The following DNAI4 variants were observed in gnomAD, a reference collection of about 807,000 sequenced individuals.
The protein encoded by DNAI4 is WD repeat domain 78.
DNAI4 carries 85 observed loss-of-function variants against 105.8 expected under a neutral mutation model. The observed-to-expected ratio is 0.80, with a 90% CI of 0.67 to 0.96. DNAI4 has a LOEUF of 0.96. Among genes scored for constraint, DNAI4 ranks in the 40% least tolerant of loss-of-function variants. DNAI4 has a pLI of 0.00. For missense variants in DNAI4, 1,014 were observed against 1,005.6 expected (o/e 1.01, Z -0.11); for synonymous variants, 352 against 331.5 (o/e 1.06, Z -0.67).
intron 1 of DNAI4, among the ~76,000 whole-genome samples, chr1:66,919,289 C>CT (rs1368419164): frequency 1.3e-5 from 2 of 152,214 alleles, no homozygotes; most frequent in Non-Finnish European, 1.5e-5. Flanking sequence ...TAATTGACTA[C>CT]TAGATAGCTC....
Position 66,837,626 on chromosome 1 carries a change from TTTAA to T in DNAI4, c.1581+80_1581+83del, listed in dbSNP as rs752129494. 4.9e-5 allele frequency: 68 copies of T among 1,374,206 alleles called. No homozygotes were observed. The East Asian group carries it at 1.5e-3, about 30-fold the overall frequency. 85.1% of individuals were successfully genotyped at this position (1,374,206 alleles called of 1,614,324 possible). A position where few individuals can be genotyped will look rare whatever the true frequency, so the allele number is the denominator to read the frequency against. On this transcript the variant is annotated intron_variant, in intron 10 of 16. Coordinates refer to ENST00000371026, the MANE Select transcript of DNAI4 (RefSeq NM_024763.5). The stretch of plus-strand genomic sequence containing the variant: ...GATTGATAAAATTTTCTAGACTTTA[TTTAA>T]TTATTACATGTAATTATATATTTTA...
chr1:66,814,502 G>A (rs1645473998), intron 16 of DNAI4, among the ~76,000 whole-genome samples: 1 of 152,036 alleles, frequency 6.6e-6, no homozygotes, highest in South Asian at 2.1e-4. Flanking sequence ...CTGAGTGGCT[G>A]GGACTACAGG....
intron 7 of DNAI4, among the ~76,000 whole-genome samples, chr1:66,851,827 G>T (rs186243054): frequency 1.3e-5 from 2 of 151,652 alleles, no homozygotes; most frequent in African/African-American, 4.8e-5. Flanking sequence ...CATTAGAAAA[G>T]AAGGAAAGTC....
rs1250313066 is a variant in DNAI4 at position 66,835,719 on chromosome 1, C to T, written c.1640G>A (p.Gly547Glu). 1 of 1,613,856 alleles carries T rather than the reference C, an allele frequency of 6.2e-7. No homozygotes were observed. The highest frequency in any genetic ancestry group is 1.3e-5 in the African/African-American group (1 of 74,884). ...GCCAACGGCTAAAAGGTTAGGTGCT[C>T]CAATTGAAAAATCCACAGCAGTAAC... ...YGVTAVDFSI[G>E]APNLLAVGYH... is the part of the protein sequence containing the mutation. Residue 547 changes from glycine (G) to glutamate (E), a missense_variant, in exon 11 of 17, where the codon GGA becomes GAA. Physicochemically the swap from Gly to Glu is moderately conservative, Grantham distance 98. Transcript: ENST00000371026.
At chr1:66,881,365 G>T (rs1235369159) in intron 4 of DNAI4, among the ~76,000 whole-genome samples, 1 of 152,278 alleles carries the variant, frequency 6.6e-6, no homozygotes, top group African/African-American at 2.4e-5. Context: ...CATGAAAGCA[G>T]CCAGGAGGGA....
chr1:66,826,021 G>A (rs552000286), intron 15 of DNAI4, among the ~76,000 whole-genome samples: 1 of 152,222 alleles, frequency 6.6e-6, no homozygotes, highest in East Asian at 1.9e-4. Context: ...AATTAATTTA[G>A]ACAATCCTCT....
chr1:66,924,629 GGAT>G, intron 1 of DNAI4, 30 bp downstream of exon 1: 1 of 1,614,212 alleles, frequency 6.2e-7, no homozygotes, highest in East Asian at 2.2e-5. Flanking sequence ...GGTCCCAGGG[GGAT>G]GGACTACGGT....
intron 6 of DNAI4, among the ~76,000 whole-genome samples, chr1:66,864,634 G>A (rs1173906806): frequency 2.0e-5 from 3 of 151,882 alleles, no homozygotes; most frequent in East Asian, 2.0e-4. Context: ...GGCAGATCAC[G>A]AGGTCAAGAG....
chr1:66,907,281 C>T (rs1649330369), intron 1 of DNAI4, among the ~76,000 whole-genome samples: 1 of 152,218 alleles, frequency 6.6e-6, no homozygotes, highest in South Asian at 2.1e-4. Context: ...TCTTCAACCT[C>T]CTTGAGACCT....
chr1:66,840,371 C>T (rs11208966), intron 9 of DNAI4, 98 bp downstream of exon 9: 15 of 1,158,210 alleles, frequency 1.3e-5, no homozygotes, highest in Non-Finnish European at 1.8e-5. Context: ...ATTTAAATTC[C>T]TTGTGCCATA....
intron 10 of DNAI4, among the ~76,000 whole-genome samples, chr1:66,836,224 G>C (rs12025344): frequency 7.8e-6 from 1 of 128,488 alleles, no homozygotes; most frequent in Non-Finnish European, 1.7e-5. Flanking sequence ...GAGAGAGAGA[G>C]AGAGAGAGAG....
At position 66,892,985 on chromosome 1, in the gene DNAI4, GAAA is replaced by G. The variant is rs1557964579; in HGVS notation, c.530+241_530+243del. Among the ~76,000 whole-genome samples the G allele has an allele frequency of 9.3e-3, 1,188 of 127,756 alleles. 25 individuals carry two copies. The highest frequency in any genetic ancestry group is 0.018 in the African/African-American group (540 of 30,584). The allele number at this position is 127,756 out of a possible 152,430, so 83.8% of individuals were successfully genotyped here. On this transcript the variant is annotated intron_variant, in intron 3 of 16. Coordinates refer to ENST00000371026, the MANE Select transcript of DNAI4 (RefSeq NM_024763.5). ...AGAAAGAAAGAAAGAAAGAAAGAAA[GAAA>G]GAAAGAAAGAGAGAAAGAGAGAGAG...
chr1:66,849,305 G>A (rs1023430244), intron 7 of DNAI4, among the ~76,000 whole-genome samples: 2 of 92,860 alleles, frequency 2.2e-5, no homozygotes, highest in Admixed American at 1.2e-4. Context: ...TCCTATCACT[G>A]CCCCATGGTA....
rs1194691333 is a variant in DNAI4, at chr1:66,869,618, G to A, written c.940+1752C>T. On this transcript the variant is annotated intron_variant, in intron 6 of 16. Transcript: ENST00000371026. ...TATCATCTAGGAATTCACTTTTCTG[G>A]GTCCATCCAAGTTTGCACCAATTAA... is the stretch of plus-strand genomic sequence containing the variant. Among the ~76,000 whole-genome samples, 2 of 151,938 alleles carry A rather than the reference G, an allele frequency of 1.3e-5. 1 individual carries two copies. Among genetic ancestry groups the A allele is most frequent in the Non-Finnish European group, 2.9e-5 (2 of 67,992 alleles).
chr1:66,868,531 G>T lies in DNAI4; in HGVS notation c.940+2839C>A, dbSNP rs556904892. Among the ~76,000 whole-genome samples the T allele has an allele frequency of 2.0e-5, 3 of 152,136 alleles. No individual in the cohort carries two copies. In the East Asian group the frequency reaches 5.8e-4, roughly 29 times the overall value. On this transcript the variant is annotated intron_variant, in intron 6 of 16. Coordinates refer to ENST00000371026, the MANE Select transcript of DNAI4 (RefSeq NM_024763.5). The stretch of plus-strand genomic sequence containing the variant: ...GAATAGAATTAGAAGGTGGAGGAAG[G>T]TTGAATTCACTCTCTGCCTGATTAC...
chr1:66,830,211 G>T (rs889526517), intron 13 of DNAI4, among the ~76,000 whole-genome samples: 2 of 151,646 alleles, frequency 1.3e-5, no homozygotes, highest in Non-Finnish European at 2.9e-5. Context: ...GGATCAAAGT[G>T]GAAATTGATG....
intron 10 of DNAI4, among the ~76,000 whole-genome samples, chr1:66,836,196 GAAAGAAAGAA>G (rs746536181): frequency 0.12 from 7,909 of 66,466 alleles, 671 homozygotes; most frequent in Non-Finnish European, 0.18. Context: ...AAGAAAGAAA[GAAAGAAAGAA>G]AGAGAGAGAG....
In DNAI4 at chr1:66,848,866, C is replaced by G. The variant is rs1022064649; in HGVS notation, c.1097-1188G>C. On this transcript the variant is annotated intron_variant, in intron 7 of 16. Coordinates refer to ENST00000371026, the MANE Select transcript of DNAI4 (RefSeq NM_024763.5). The stretch of plus-strand genomic sequence containing the variant: ...TGGCAGCCATTCTACTCCAGCCAAG[C>G]ACAGAAAAAATTGTAGCCCCACCCA... Among the ~76,000 whole-genome samples the G allele has an allele frequency of 3.7e-4, 56 of 152,268 alleles. 1 individual carries two copies. Among genetic ancestry groups the G allele is most frequent in the African/African-American group, 1.3e-3 (53 of 41,556 alleles).
In DNAI4 at chr1:66,826,925, G is replaced by A. The variant is rs752437680; in HGVS notation, c.2234C>T (p.Pro745Leu). ...AACGTCGTAAACAACAGAAGTAGCT[G>A]GATAAAAACTCAAAGATGGCTTGAC... The part of the protein sequence containing the change: ...ENVKPSLSFY[P>L]ATSVVYDVAW... The change falls in exon 15 of 17, where the codon CCA becomes CTA. Residue 745 changes from proline (P) to leucine (L), a missense_variant. Coordinates refer to ENST00000371026, the MANE Select transcript of DNAI4 (RefSeq NM_024763.5). The A allele has an allele frequency of 1.2e-6, 2 of 1,614,006 alleles. No individual in the cohort carries two copies. Among genetic ancestry groups the A allele is most frequent in the South Asian group, 1.1e-5 (1 of 91,076 alleles).
Sources: gnomAD v4.1 joint callset for allele counts (sites outside exome capture counted in the v4.1 genomes callset) on GRCh38, gnomAD v4.1.1 for gene constraint, MANE v1.5 for transcripts, NCBI Gene and HGNC (gene_info 2026-07-23, HGNC 2026-07-21) for gene names.